The following DYNLT3 variants were observed in gnomAD, a reference collection of about 807,000 sequenced individuals.
The protein encoded by DYNLT3 is dynein light chain Tctex-type 3.
Under a neutral mutation model 11.0 loss-of-function variants are expected in DYNLT3, and 4 were observed. The ratio of observed to expected loss-of-function variants is 0.36; its 90% confidence interval spans 0.18 to 0.83. DYNLT3 has a LOEUF of 0.83. Among genes scored for constraint, DYNLT3 ranks in the 40% least tolerant of loss-of-function variants. The probability of loss-of-function intolerance (pLI) is 0.47; values close to 1 mark genes in which losing one functional copy is unlikely to be tolerated. For missense variants in DYNLT3, 91 were observed against 91.1 expected, an observed-to-expected ratio of 1.00 and a Z score of 0.01; for synonymous variants, 37 against 31.2, an observed-to-expected ratio of 1.18 and a Z score of -0.61.
chrX:37,840,787 CACATAT>C (rs1312391851), intron 4 of DYNLT3, 136 bp from the exon 5 acceptor site: 67 of 334,964 alleles, frequency 2.0e-4, no homozygotes, highest in Non-Finnish European at 2.3e-4. Flanking sequence ...CACACACACA[CACATAT>C]ATATATATAT....
chrX:37,841,136 TACAG>T (rs1289475781), intron 3 of DYNLT3, 31 bp from the exon 4 acceptor site: 7 of 1,164,713 alleles, frequency 6.0e-6, no homozygotes, highest in African/African-American at 1.8e-5. Context: ...TGAGGGCACT[TACAG>T]ACAAAGGAAA....
chrX:37,847,166 C>T, intron 1 of DYNLT3: 1 of 1,124,916 alleles, frequency 8.9e-7, no homozygotes, highest in African/African-American at 1.8e-5. Flanking sequence ...GAGGCCCGCC[C>T]GGTAGGAGGG....
In DYNLT3 at chrX:37,839,991, T is replaced by A. The variant is rs11266345; in HGVS notation, c.*584A>T. ...AAGTGTAAATCCAAAAATTTGAAAT[T>A]AAAAAAAATTGATTTACTAATCCTC... is the stretch of plus-strand genomic sequence containing the variant. On this transcript the variant is annotated 3_prime_UTR_variant, in exon 5 of 5. Transcript: ENST00000378578. 20,606 of 111,158 alleles carry A rather than the reference T, an allele frequency of 0.19. 1,451 individuals carry two copies. The highest frequency in any genetic ancestry group is 0.25 in the African/African-American group (7,775 of 30,567). 9.2% of individuals were successfully genotyped at this position (111,158 alleles called of 1,213,427 possible).
rs1450235928 is a variant in DYNLT3 at position 37,841,905 on chromosome X, A to C, written c.73T>G (p.Cys25Gly). Reference sequence around the variant, plus strand: ...TCACCACCTAAAACCCCATCTACACACTAAAAGGGCACAGAGGGCAGTTAA... The same window carrying C: ...TCACCACCTAAAACCCCATCTACACCCTAAAAGGGCACAGAGGGCAGTTAA... ...AEEAHNIVKE[C>G]VDGVLGGEDY... The change falls in exon 3 of 5, where the codon TGT (cysteine) becomes GGT (glycine). Residue 25 changes from cysteine to glycine, a missense_variant and splice_region_variant. Physicochemically the swap from Cys to Gly is radical, Grantham distance 159. Transcript: ENST00000378578. 1.8e-6 allele frequency: 2 copies of C among 1,113,173 alleles called. No individual in the cohort carries two copies. Among genetic ancestry groups the C allele is most frequent in the Non-Finnish European group, 2.4e-6 (2 of 833,238 alleles). The allele number at this position is 1,113,173 out of a possible 1,213,427, so 91.7% of individuals were successfully genotyped here. A position where few individuals can be genotyped will look rare whatever the true frequency, so the allele number is the denominator to read the frequency against.
chrX:37,846,803 T>C (rs1377505592), intron 1 of DYNLT3, among the ~76,000 whole-genome samples: 2 of 112,073 alleles, frequency 1.8e-5, no homozygotes, highest in Non-Finnish European at 3.8e-5. Flanking sequence ...CAAAAATTTC[T>C]AGGCAAAAAT....
At chrX:37,845,883 G>A (rs950310905) in intron 2 of DYNLT3, among the ~76,000 whole-genome samples, 1 of 112,238 alleles carries the variant, frequency 8.9e-6, no homozygotes, top group Admixed American at 9.4e-5. Context: ...TTAAAATCTT[G>A]TTCTTGGCCG....
At position 37,839,589 on chromosome X, in the gene DYNLT3, G is replaced by T. The variant is rs1433179537; in HGVS notation, c.*986C>A. The T allele has an allele frequency of 8.9e-6, 1 of 112,095 alleles. No homozygotes were observed. Among genetic ancestry groups the T allele is most frequent in the Admixed American group, 9.5e-5 (1 of 10,524 alleles). 9.2% of individuals were successfully genotyped at this position (112,095 alleles called of 1,213,427 possible). ...CATATTTTATATGCACTTTTAACTT[G>T]CTAGGAGCAACTCTTAAAATTACAT... On this transcript the variant is annotated 3_prime_UTR_variant, in exon 5 of 5. Coordinates refer to ENST00000378578, the MANE Select transcript of DYNLT3 (RefSeq NM_006520.3).
Position 37,846,311 on chromosome X carries a change from A to G in DYNLT3, c.72+6T>C. On this transcript the variant is annotated splice_donor_region_variant and intron_variant, in intron 2 of 4. Transcript: ENST00000378578. The stretch of plus-strand genomic sequence containing the variant: ...AGCTTCAAGAGAAACAAAATGTATG[A>G]CTCACCTCTTTGACAATATTGTGGG... The G allele has an allele frequency of 1.7e-6, 2 of 1,208,116 alleles. No individual in the cohort carries two copies. The highest frequency in any genetic ancestry group is 2.2e-6 in the Non-Finnish European group (2 of 893,249).
chrX:37,843,358 G>C (rs1160883818), intron 2 of DYNLT3, among the ~76,000 whole-genome samples: 1 of 112,238 alleles, frequency 8.9e-6, no homozygotes, highest in Non-Finnish European at 1.9e-5. Flanking sequence ...ACCACTCCAA[G>C]TTTTGCTCTA....
At position 37,839,720 on chromosome X, in the gene DYNLT3, C is replaced by T. The variant is rs761027806; in HGVS notation, c.*855G>A. On this transcript the variant is annotated 3_prime_UTR_variant, in exon 5 of 5. Transcript: ENST00000378578. ...CTTGTAAAACAACTACTTTCTTTTC[C>T]TTCCCCAAATATTAATACGTCTTCC... The T allele has an allele frequency of 8.9e-6, 1 of 112,308 alleles. No individual in the cohort carries two copies. Among genetic ancestry groups the T allele is most frequent in the South Asian group, 3.7e-4 (1 of 2,739 alleles). 9.3% of individuals were successfully genotyped at this position (112,308 alleles called of 1,213,427 possible).
At position 37,838,906 on chromosome X, in the gene DYNLT3, A is replaced by C. The variant is rs1485649890; in HGVS notation, c.*1669T>G. 9.0e-6 allele frequency: 1 copy of C among 111,638 alleles called. No individual in the cohort carries two copies. The highest frequency in any genetic ancestry group is 3.3e-5 in the African/African-American group (1 of 30,754). 9.2% of individuals were successfully genotyped at this position (111,638 alleles called of 1,213,427 possible). A position where few individuals can be genotyped will look rare whatever the true frequency, so the allele number is the denominator to read the frequency against. ...AGCAGATAGCAAGTTCACCAGGTAA[A>C]AATTTTTTTTCTTAAATTATGCTTA... On this transcript the variant is annotated 3_prime_UTR_variant, in exon 5 of 5. Coordinates refer to ENST00000378578, the MANE Select transcript of DYNLT3 (RefSeq NM_006520.3).
intron 4 of DYNLT3, among the ~76,000 whole-genome samples, 156 bp from the exon 5 acceptor site, chrX:37,840,807 T>TAC (rs776916521): frequency 8.3e-5 from 5 of 59,907 alleles, no homozygotes; most frequent in Non-Finnish European, 1.5e-4. Context: ...TATATATATA[T>TAC]ACACATACAT....
chrX:37,843,264 G>T (rs1479477692), intron 2 of DYNLT3, among the ~76,000 whole-genome samples: 1 of 112,107 alleles, frequency 8.9e-6, no homozygotes, highest in Non-Finnish European at 1.9e-5. Flanking sequence ...GGTGACCTTT[G>T]GACAAACCTA....
At chrX:37,843,932 G>A (rs1930218901) in intron 2 of DYNLT3, among the ~76,000 whole-genome samples, 1 of 111,549 alleles carries the variant, frequency 9.0e-6, no homozygotes, top group Non-Finnish European at 1.9e-5. Context: ...ATGTTTCAAT[G>A]GCAGAAGAGG....
intron 1 of DYNLT3, chrX:37,847,156 G>C (rs1466327707): frequency 8.8e-7 from 1 of 1,138,590 alleles, no homozygotes; most frequent in Non-Finnish European, 1.2e-6. Context: ...ACCCGTTTTC[G>C]AGGCCCGCCC....
Position 37,841,797 on chromosome X carries a change from C to G in DYNLT3, c.181G>C (p.Ala61Pro), listed in dbSNP as rs1930167090. 2.6e-6 allele frequency: 3 copies of G among 1,171,703 alleles called. No individual in the cohort carries two copies. Among genetic ancestry groups the G allele is most frequent in the Non-Finnish European group, 2.3e-6 (2 of 868,737 alleles). Residue 61 changes from alanine to proline, a missense_variant, in exon 3 of 5, where the codon GCC (alanine) becomes CCC (proline). Coordinates refer to ENST00000378578, the MANE Select transcript of DYNLT3 (RefSeq NM_006520.3). The stretch of plus-strand genomic sequence containing the variant: ...TGATACTTACCAATATATTTATAGG[C>G]TTTTCCCAACTTAACCAGGTGTGTT... The part of the protein sequence containing the change: ...SLTHLVKLGK[A>P]YKYIVTCAVV...
intron 4 of DYNLT3, 105 bp from the exon 5 acceptor site, chrX:37,840,756 A>G: frequency 3.5e-6 from 1 of 282,250 alleles, no homozygotes; most frequent in Non-Finnish European, 5.8e-6. Flanking sequence ...ACATATACAC[A>G]CACACACACA....
intron 2 of DYNLT3, among the ~76,000 whole-genome samples, chrX:37,844,728 T>C (rs1412272439): frequency 1.8e-5 from 2 of 111,424 alleles, no homozygotes; most frequent in African/African-American, 6.5e-5. Flanking sequence ...TGTTCTAACA[T>C]CTCATTTGGG....
At chrX:37,841,521 G>A (rs750347904) in intron 3 of DYNLT3, among the ~76,000 whole-genome samples, 3 of 111,526 alleles carry the variant, frequency 2.7e-5, no homozygotes, top group Non-Finnish European at 5.7e-5. Flanking sequence ...CTAAGGGGGG[G>A]TCTCAGTGGA....
Sources: allele counts gnomAD v4.1 joint callset (sites outside exome capture counted in the v4.1 genomes callset), GRCh38; gene constraint gnomAD v4.1.1; transcripts MANE v1.5; gene names NCBI Gene and HGNC (gene_info 2026-07-23, HGNC 2026-07-21).